CACNB2: variants seen among roughly 807,000 people sequenced by gnomAD.
CACNB2 encodes calcium voltage-gated channel auxiliary subunit beta 2.
A neutral mutation model predicts 73.3 loss-of-function variants in CACNB2; 42 were observed. That is an observed-to-expected ratio of 0.57 (90% CI 0.45 to 0.74). The LOEUF is 0.74. Ranked by LOEUF, CACNB2 falls within the 30% of genes least tolerant of loss-of-function variation. CACNB2 has a pLI of 0.00. For missense variants in CACNB2, 940 were observed against 853.0 expected (o/e 1.10, Z -1.27); for synonymous variants, 348 against 310.3 (o/e 1.12, Z -1.28).
intron 3 of CACNB2, among the ~76,000 whole-genome samples, chr10:18,473,551 G>A (rs765228479): frequency 6.6e-6 from 1 of 152,044 alleles, no homozygotes; most frequent in Non-Finnish European, 1.5e-5. Context: ...CCTTAATGAC[G>A]CATGCAGAGC....
chr10:18,383,499 A>G (rs962822650), intron 2 of CACNB2, among the ~76,000 whole-genome samples: 1 of 152,194 alleles, frequency 6.6e-6, no homozygotes, highest in Non-Finnish European at 1.5e-5. Flanking sequence ...GAGGTGTATA[A>G]CAGAGCAATA....
At chr10:18,157,800 C>T (rs1178594065) in intron 2 of CACNB2, among the ~76,000 whole-genome samples, 2 of 152,194 alleles carry the variant, frequency 1.3e-5, no homozygotes, top group African/African-American at 4.8e-5. Flanking sequence ...GGAAGACATG[C>T]AGAAAAATTC....
At chr10:18,271,847 G>A (rs1191006759) in intron 2 of CACNB2, among the ~76,000 whole-genome samples, 1 of 151,820 alleles carries the variant, frequency 6.6e-6, no homozygotes, top group South Asian at 2.1e-4. Flanking sequence ...TTGTTTATTG[G>A]GGTTTTTTTC....
intron 9 of CACNB2, among the ~76,000 whole-genome samples, chr10:18,519,249 C>G (rs1400266680): frequency 6.6e-6 from 1 of 152,204 alleles, no homozygotes. Context: ...AACTGGCCCT[C>G]TATTGCTGCC....
intron 2 of CACNB2, among the ~76,000 whole-genome samples, chr10:18,185,531 G>T (rs1054124258): frequency 2.6e-5 from 4 of 152,186 alleles, no homozygotes; most frequent in Non-Finnish European, 4.4e-5. Context: ...GAATGAATTT[G>T]TTCTGGCATC....
intron 3 of CACNB2, among the ~76,000 whole-genome samples, chr10:18,431,192 A>G (rs2045873675): frequency 6.6e-6 from 1 of 152,062 alleles, no homozygotes; most frequent in African/African-American, 2.4e-5. Context: ...TGTGTTGCAC[A>G]GCCTCGTCTC....
chr10:18,319,574 G>A (rs4748449), intron 2 of CACNB2, among the ~76,000 whole-genome samples: 3 of 151,980 alleles, frequency 2.0e-5, no homozygotes, highest in Non-Finnish European at 2.9e-5. Context: ...TGTAACAAAC[G>A]TGTACATTCT....
At chr10:18,444,088 G>T (rs2046614382) in intron 3 of CACNB2, among the ~76,000 whole-genome samples, 1 of 152,138 alleles carries the variant, frequency 6.6e-6, no homozygotes, top group Non-Finnish European at 1.5e-5. Flanking sequence ...GATTCTCCCT[G>T]CTGTGGTCTA....
intron 2 of CACNB2, among the ~76,000 whole-genome samples, chr10:18,192,544 T>C (rs758561413): frequency 1.3e-5 from 2 of 152,106 alleles, no homozygotes; most frequent in Non-Finnish European, 2.9e-5. Context: ...TGGCATTAAA[T>C]ACATTCACGA....
intron 2 of CACNB2, among the ~76,000 whole-genome samples, chr10:18,201,423 C>A (rs569055064): frequency 2.6e-5 from 4 of 151,964 alleles, no homozygotes; most frequent in Admixed American, 6.6e-5. Context: ...TACAGGCATG[C>A]GCCACCAGGT....
At chr10:18,214,091 C>A (rs1195812007) in intron 2 of CACNB2, among the ~76,000 whole-genome samples, 1 of 152,098 alleles carries the variant, frequency 6.6e-6, no homozygotes, top group East Asian at 1.9e-4. Flanking sequence ...TTTACCCCTA[C>A]ACAACTGGAG....
chr10:18,215,916 G>A (rs2035493110), intron 2 of CACNB2, among the ~76,000 whole-genome samples: 1 of 152,132 alleles, frequency 6.6e-6, no homozygotes, highest in Non-Finnish European at 1.5e-5. Context: ...TAGATGCTCT[G>A]TGAACAATTG....
chr10:18,355,854 T>A (rs1197040102), intron 2 of CACNB2, among the ~76,000 whole-genome samples: 1 of 151,958 alleles, frequency 6.6e-6, no homozygotes. Flanking sequence ...ACCAGACTGG[T>A]CTTGAACTCC....
intron 2 of CACNB2, among the ~76,000 whole-genome samples, chr10:18,219,207 A>G (rs1000317401): frequency 2.6e-5 from 4 of 152,142 alleles, no homozygotes; most frequent in African/African-American, 9.7e-5. Flanking sequence ...TCGGAATGGT[A>G]TTTTTCCATT....
At chr10:18,240,846 G>A (rs867090628) in intron 2 of CACNB2, among the ~76,000 whole-genome samples, 5 of 152,114 alleles carry the variant, frequency 3.3e-5, no homozygotes, top group Non-Finnish European at 4.4e-5. Flanking sequence ...CCTGCCCATG[G>A]CATTGGTCAG....
intron 12 of CACNB2, among the ~76,000 whole-genome samples, chr10:18,537,741 C>G (rs143726015): frequency 6.9e-6 from 1 of 144,530 alleles, no homozygotes; most frequent in African/African-American, 2.4e-5. Context: ...CAGGCCACTG[C>G]ACTCCAGCCT....
chr10:18,458,241 A>G (rs2047383755), intron 3 of CACNB2, among the ~76,000 whole-genome samples: 1 of 152,232 alleles, frequency 6.6e-6, no homozygotes, highest in Non-Finnish European at 1.5e-5. Flanking sequence ...GTGGAGTCAT[A>G]ATTTAAGATA....
At chr10:18,472,057 C>G (rs185377851) in intron 3 of CACNB2, among the ~76,000 whole-genome samples, 1 of 152,184 alleles carries the variant, frequency 6.6e-6, no homozygotes, top group African/African-American at 2.4e-5. Flanking sequence ...TCACTGCCCC[C>G]ATTCCTATCC....
At chr10:18,337,022 G>C (rs2041033426) in intron 2 of CACNB2, among the ~76,000 whole-genome samples, 1 of 152,248 alleles carries the variant, frequency 6.6e-6, no homozygotes, top group South Asian at 2.1e-4. Flanking sequence ...TTCCTTACAA[G>C]TTTCTTCTAA....
Sources: gnomAD v4.1 joint callset for allele counts (sites outside exome capture counted in the v4.1 genomes callset) on GRCh38, gnomAD v4.1.1 for gene constraint, MANE v1.5 for transcripts, NCBI Gene and HGNC (gene_info 2026-07-23, HGNC 2026-07-21) for gene names.